PGPEP1: variants seen among roughly 807,000 people sequenced by gnomAD.
PGPEP1 encodes pyroglutamyl-peptidase I, also known as pyroglutamyl-peptidase 1.
Under a neutral mutation model 24.1 loss-of-function variants are expected in PGPEP1, and 15 were observed. That is an observed-to-expected ratio of 0.62 (90% CI 0.42 to 0.96). PGPEP1 has a LOEUF of 0.96. PGPEP1 is among the 40% of genes least tolerant of loss of function. The pLI is 0.00. For missense variants in PGPEP1, 242 were observed against 273.4 expected (o/e 0.89, Z 0.81); for synonymous variants, 122 against 116.4 (o/e 1.05, Z -0.31).
rs1264027485 is a variant in PGPEP1, at chr19:18,364,143, C to CTTTCTTTCTTTCT, written c.*561_*562insTTCTTTCTTTCTT. 4.6e-5 allele frequency: 2 copies of CTTTCTTTCTTTCT among 43,014 alleles called. No individual in the cohort carries two copies. The highest frequency in any genetic ancestry group is 8.1e-5 in the Non-Finnish European group (2 of 24,676). 2.7% of individuals were successfully genotyped at this position (43,014 alleles called of 1,614,324 possible). On this transcript the variant is annotated 3_prime_UTR_variant, in exon 5 of 5. Transcript: ENST00000269919. ...TTCTTTCTTTCTTGCTTTCTTTCTT[C>CTTTCTTTCTTTCT]TCTCTCTCTCTTTTTTTTTTTTTTT...
rs922724254 is a variant in PGPEP1 at position 18,366,880 on chromosome 19, G to A, written c.*3297G>A. 5.9e-5 allele frequency: 9 copies of A among 152,098 alleles called. No homozygotes were observed. The highest frequency in any genetic ancestry group is 5.9e-4 in the Admixed American group (9 of 15,246). 9.4% of individuals were successfully genotyped at this position (152,098 alleles called of 1,614,324 possible). A position where few individuals can be genotyped will look rare whatever the true frequency, so the allele number is the denominator to read the frequency against. On this transcript the variant is annotated 3_prime_UTR_variant, in exon 5 of 5. Transcript: ENST00000269919. Reference sequence around the variant, plus strand: ...TAAAATATCCTCATGTGGGCTAGGTGTGGTTACTCACACCTGTAATCCTAG... The same window carrying A: ...TAAAATATCCTCATGTGGGCTAGGTATGGTTACTCACACCTGTAATCCTAG...
At chr19:18,354,352 G>A (rs929554522) in intron 2 of PGPEP1, among the ~76,000 whole-genome samples, 8 of 152,026 alleles carry the variant, frequency 5.3e-5, no homozygotes, top group African/African-American at 1.9e-4. Context: ...AAAATTAGCC[G>A]GGTGTGGCGG....
At chr19:18,351,573 G>A (rs954086363) in intron 2 of PGPEP1, among the ~76,000 whole-genome samples, 2 of 135,258 alleles carry the variant, frequency 1.5e-5, no homozygotes, top group African/African-American at 2.8e-5. Flanking sequence ...GCGATGAGCC[G>A]AAATCCCGCC....
intron 2 of PGPEP1, among the ~76,000 whole-genome samples, chr19:18,345,248 C>G (rs891463802): frequency 6.6e-6 from 1 of 151,986 alleles, no homozygotes; most frequent in South Asian, 2.1e-4. Context: ...GGGATCCGCC[C>G]GCCTCGGCCT....
intron 2 of PGPEP1, among the ~76,000 whole-genome samples, chr19:18,350,948 T>C (rs1007139516): frequency 2.0e-5 from 3 of 151,774 alleles, no homozygotes; most frequent in Admixed American, 6.6e-5. Flanking sequence ...TTACTGCCTA[T>C]GAATGGAAAA....
intron 2 of PGPEP1, among the ~76,000 whole-genome samples, chr19:18,351,414 C>T (rs1325735763): frequency 5.3e-5 from 8 of 151,800 alleles, no homozygotes; most frequent in South Asian, 2.1e-4. Flanking sequence ...CACCTGAGGT[C>T]GGAAGTTGGA....
intron 2 of PGPEP1, among the ~76,000 whole-genome samples, chr19:18,352,757 T>C (rs921983540): frequency 6.6e-6 from 1 of 151,936 alleles, no homozygotes; most frequent in Non-Finnish European, 1.5e-5. Context: ...GGTTTTTCCA[T>C]GTTGACCAGG....
At position 18,368,838 on chromosome 19, in the gene PGPEP1, G is replaced by A. The variant is rs1971626937; in HGVS notation, c.*5255G>A. ...CTCTATCCTGAGGCCTCTGGGAGCT[G>A]CGTGACGGCCAGCATGGGGTGCTGA... On this transcript the variant is annotated 3_prime_UTR_variant, in exon 5 of 5. Transcript: ENST00000269919. 6.5e-6 allele frequency: 1 copy of A among 152,688 alleles called. No individual in the cohort carries two copies. The highest frequency in any genetic ancestry group is 1.5e-5 in the Non-Finnish European group (1 of 68,098). 9.5% of individuals were successfully genotyped at this position (152,688 alleles called of 1,614,324 possible).
intron 2 of PGPEP1, among the ~76,000 whole-genome samples, chr19:18,344,742 G>A (rs1449330046): frequency 6.6e-6 from 1 of 152,172 alleles, no homozygotes; most frequent in Admixed American, 6.6e-5. Context: ...GAAGACTTGT[G>A]TGTCAGGCTT....
intron 4 of PGPEP1, chr19:18,361,750 G>A (rs961353318): frequency 2.2e-5 from 22 of 985,140 alleles, no homozygotes; most frequent in African/African-American, 5.2e-5. Context: ...ACACGTTTCC[G>A]TACATATATA....
At chr19:18,351,387 G>A (rs1971018075) in intron 2 of PGPEP1, among the ~76,000 whole-genome samples, 1 of 152,096 alleles carries the variant, frequency 6.6e-6, no homozygotes, top group South Asian at 2.1e-4. Context: ...CACTTTGGGA[G>A]GCTGAGGCAG....
chr19:18,352,116 A>G (rs1022405899), intron 2 of PGPEP1, among the ~76,000 whole-genome samples: 4 of 151,534 alleles, frequency 2.6e-5, no homozygotes, highest in Non-Finnish European at 5.9e-5. Context: ...CTAAAAATAC[A>G]AAAAAATTAG....
chr19:18,343,401 A>G (rs940461303), intron 2 of PGPEP1, among the ~76,000 whole-genome samples: 1 of 152,138 alleles, frequency 6.6e-6, no homozygotes, highest in African/African-American at 2.4e-5. Context: ...GAATCCTCCC[A>G]ACAACCCATG....
chr19:18,361,398 CAAAGTG>C (rs1291973793), intron 4 of PGPEP1, among the ~76,000 whole-genome samples: 8 of 152,244 alleles, frequency 5.3e-5, no homozygotes, highest in African/African-American at 1.9e-4. Flanking sequence ...CTTGGCCTTA[CAAAGTG>C]CTGGGATTAC....
At chr19:18,345,987 C>CAA (rs35141582) in intron 2 of PGPEP1, among the ~76,000 whole-genome samples, 6 of 135,720 alleles carry the variant, frequency 4.4e-5, no homozygotes, top group African/African-American at 1.3e-4. Flanking sequence ...GACTCTGTCT[C>CAA]AAAAAAAAAA....
At chr19:18,348,307 C>T (rs1227026041) in intron 2 of PGPEP1, among the ~76,000 whole-genome samples, 3 of 152,292 alleles carry the variant, frequency 2.0e-5, no homozygotes, top group Admixed American at 2.0e-4. Context: ...GGGACAATTG[C>T]TGCCACAGTG....
intron 4 of PGPEP1, chr19:18,358,011 GAAGTCAGAAGTCC>G (rs987232469): frequency 2.5e-5 from 6 of 239,060 alleles, no homozygotes; most frequent in Non-Finnish European, 3.4e-5. Context: ...AACAGCCTTG[GAAGTCAGAAGTCC>G]AAGGTCAAGG....
At chr19:18,354,117 C>T (rs1416485555) in intron 2 of PGPEP1, among the ~76,000 whole-genome samples, 1 of 152,152 alleles carries the variant, frequency 6.6e-6, no homozygotes, top group Admixed American at 6.6e-5. Flanking sequence ...TGTCTGTAAT[C>T]CCAGCTACTG....
In PGPEP1 at chr19:18,363,033, T is replaced by TTTTGTGTGTGTGTG. The variant is rs375117395; in HGVS notation, c.438-357_438-356insTTGTGTGTGTGTGT. 3.7e-5 allele frequency among the ~76,000 whole-genome samples: 5 copies of TTTTGTGTGTGTGTG among 136,686 alleles called. No homozygotes were observed. The Admixed American group carries it at 3.9e-4, about 11-fold the overall frequency. The allele number at this position is 136,686 out of a possible 152,430, so 89.7% of individuals were successfully genotyped here. On this transcript the variant is annotated intron_variant, in intron 4 of 4. Transcript: ENST00000269919. Reference sequence around the variant, plus strand: ...CTGGGAGTTATCAAGTTTTTTTTGTTTGTGTGTGTGTGTGTGTGTGTGTGT... The same window carrying TTTTGTGTGTGTGTG: ...CTGGGAGTTATCAAGTTTTTTTTGTTTTTGTGTGTGTGTGTGTGTGTGTGTGTGTGTGTGTGTGT...
Sources: allele counts gnomAD v4.1 joint callset (sites outside exome capture counted in the v4.1 genomes callset), GRCh38; gene constraint gnomAD v4.1.1; transcripts MANE v1.5; gene names NCBI Gene and HGNC (gene_info 2026-07-23, HGNC 2026-07-21).